Variants in APBB1IP observed in about 807,000 individuals in gnomAD.
The protein encoded by APBB1IP is amyloid beta precursor protein binding family B member 1 interacting protein.
A neutral mutation model predicts 64.9 loss-of-function variants in APBB1IP; 27 were observed. The ratio of observed to expected loss-of-function variants is 0.42; its 90% CI spans 0.31 to 0.57. The LOEUF (loss-of-function observed/expected upper bound fraction) is 0.57. Ranked by LOEUF, APBB1IP falls within the 20% of genes least tolerant of loss-of-function variation. APBB1IP has a pLI of 0.20. For synonymous variants in APBB1IP, 392 were observed against 331.0 expected, an observed-to-expected ratio of 1.18 and a Z score of -2.00; for missense variants, 812 against 845.5, an observed-to-expected ratio of 0.96 and a Z score of 0.49.
In APBB1IP at chr10:26,516,543, C is replaced by CAAAAAAAAAAAAAAAAAAAAAAAAAAAAA. The variant is rs71401901; in HGVS notation, c.813+2901_813+2902insAAAAAAAAAAAAAAAAAAAAAAAAAAAAA. Among the ~76,000 whole-genome samples, 13 of 47,206 alleles carry CAAAAAAAAAAAAAAAAAAAAAAAAAAAAA rather than the reference C, an allele frequency of 2.8e-4. 1 individual carries two copies. Among genetic ancestry groups the CAAAAAAAAAAAAAAAAAAAAAAAAAAAAA allele is most frequent in the African/African-American group, 1.1e-3 (9 of 8,146 alleles). 31.0% of individuals were successfully genotyped at this position (47,206 alleles called of 152,430 possible). On this transcript the variant is annotated intron_variant, in intron 8 of 14. Transcript: ENST00000376236. ...TGGGTGACAGAGCAAGACTCCATCT[C>CAAAAAAAAAAAAAAAAAAAAAAAAAAAAA]AAAAAAAAAAAAAAAAAAGTAAAGC...
At chr10:26,483,992 G>C (rs1398323362) in intron 2 of APBB1IP, among the ~76,000 whole-genome samples, 8 of 152,084 alleles carry the variant, frequency 5.3e-5, no homozygotes, top group Non-Finnish European at 1.2e-4. Context: ...TAGTATCTTA[G>C]TCCAAGTAAA....
At chr10:26,483,224 C>T (rs1353897077) in intron 2 of APBB1IP, among the ~76,000 whole-genome samples, 1 of 151,312 alleles carries the variant, frequency 6.6e-6, no homozygotes, top group Admixed American at 6.6e-5. Context: ...CTGAGGAAAA[C>T]CCACACAGAA....
chr10:26,473,624 C>T (rs1279634478), intron 2 of APBB1IP, among the ~76,000 whole-genome samples: 1 of 152,202 alleles, frequency 6.6e-6, no homozygotes, highest in Non-Finnish European at 1.5e-5. Context: ...AAAACTACAT[C>T]ATAGGTGACC....
At chr10:26,543,895 G>A (rs1482762989) in intron 11 of APBB1IP, among the ~76,000 whole-genome samples, 2 of 152,206 alleles carry the variant, frequency 1.3e-5, no homozygotes, top group Non-Finnish European at 2.9e-5. Flanking sequence ...TGTTTGTTCC[G>A]AAGGAAGAGA....
intron 11 of APBB1IP, among the ~76,000 whole-genome samples, chr10:26,546,535 G>A (rs1460545946): frequency 6.6e-6 from 1 of 152,070 alleles, no homozygotes; most frequent in Non-Finnish European, 1.5e-5. Context: ...TAGCACAAAC[G>A]TTTATCATAA....
chr10:26,446,579 C>T (rs1311383955), intron 2 of APBB1IP, among the ~76,000 whole-genome samples: 2 of 152,174 alleles, frequency 1.3e-5, no homozygotes, highest in Non-Finnish European at 2.9e-5. Context: ...GGCTACAGTA[C>T]TGAAACACAC....
chr10:26,470,739 C>T (rs1326444049), intron 2 of APBB1IP, among the ~76,000 whole-genome samples: 1 of 152,124 alleles, frequency 6.6e-6, no homozygotes, highest in Non-Finnish European at 1.5e-5. Context: ...AGTTGAGGAG[C>T]ATCCATAATA....
intron 3 of APBB1IP, among the ~76,000 whole-genome samples, chr10:26,493,646 T>C (rs1211013027): frequency 6.6e-6 from 1 of 152,194 alleles, no homozygotes; most frequent in East Asian, 1.9e-4. Context: ...AAAAAGCTTG[T>C]TCCTGACTAT....
At chr10:26,513,683 A>T (rs763224247) in intron 8 of APBB1IP, 23 bp downstream of exon 8, 5 of 1,583,466 alleles carry the variant, frequency 3.2e-6, no homozygotes, top group Admixed American at 4.0e-5. Context: ...GCATATTGTT[A>T]AACCCTATAA....
At chr10:26,442,316 T>C (rs1835346721) in intron 2 of APBB1IP, among the ~76,000 whole-genome samples, 1 of 152,252 alleles carries the variant, frequency 6.6e-6, no homozygotes, top group Non-Finnish European at 1.5e-5. Flanking sequence ...TCTGCTTTGT[T>C]AGCAATCGTG....
At chr10:26,512,705 C>T (rs73594365) in intron 7 of APBB1IP, among the ~76,000 whole-genome samples, 5,271 of 152,184 alleles carry the variant, frequency 0.035, 318 homozygotes, top group African/African-American at 0.12. Context: ...CTCCTGGGCT[C>T]AAGCACTCCT....
At chr10:26,474,840 A>G (rs986576333) in intron 2 of APBB1IP, among the ~76,000 whole-genome samples, 1 of 152,258 alleles carries the variant, frequency 6.6e-6, no homozygotes, top group Non-Finnish European at 1.5e-5. Flanking sequence ...TTTATTAAGT[A>G]AGACATCTAG....
intron 8 of APBB1IP, among the ~76,000 whole-genome samples, chr10:26,514,226 C>T (rs1163159060): frequency 6.6e-6 from 1 of 152,166 alleles, no homozygotes; most frequent in African/African-American, 2.4e-5. Flanking sequence ...ACCTATCTCT[C>T]TGTGGTTTTC....
At chr10:26,512,260 T>C (rs1836271139) in intron 7 of APBB1IP, among the ~76,000 whole-genome samples, 1 of 152,210 alleles carries the variant, frequency 6.6e-6, no homozygotes, top group Non-Finnish European at 1.5e-5. Context: ...TTGGGGGATA[T>C]AAGCACTATT....
At chr10:26,470,872 C>A (rs1476216278) in intron 2 of APBB1IP, among the ~76,000 whole-genome samples, 1 of 152,134 alleles carries the variant, frequency 6.6e-6, no homozygotes, top group African/African-American at 2.4e-5. Flanking sequence ...CATAATCTCT[C>A]ACCAACCTCA....
rs775918284 is a variant in APBB1IP, at chr10:26,567,314, G to A, written c.1827G>A (p.Ala609=). The change falls in exon 15 of 15, where the codon GCG becomes GCA. Residue 609 remains alanine (A), a synonymous_variant. Coordinates refer to ENST00000376236, the MANE Select transcript of APBB1IP (RefSeq NM_019043.4). ...CGCCGCCGCCGCCGCCCGCGCCCGC[G>A]CCCGCCCCCGTCCCCGACTCCGCCA... ...PPPPPPPPAP[A]PAPVPDSARP... The A allele has an allele frequency of 1.7e-6, 2 of 1,208,662 alleles. No homozygotes were observed. The highest frequency in any genetic ancestry group is 1.7e-5 in the South Asian group (1 of 58,138). 74.9% of individuals were successfully genotyped at this position (1,208,662 alleles called of 1,614,324 possible).
intron 7 of APBB1IP, among the ~76,000 whole-genome samples, chr10:26,512,173 C>T (rs1422766467): frequency 2.0e-5 from 3 of 152,082 alleles, no homozygotes; most frequent in African/African-American, 7.2e-5. Context: ...TTTCAATTCC[C>T]TTATATGAGA....
rs973383277 is a variant in APBB1IP, at chr10:26,492,259, G to T, written c.1-68G>T. 1.3e-5 allele frequency: 18 copies of T among 1,398,436 alleles called. 1 individual carries two copies. The highest frequency in any genetic ancestry group is 1.8e-5 in the Non-Finnish European group (18 of 990,968). The allele number at this position is 1,398,436 out of a possible 1,614,324, so 86.6% of individuals were successfully genotyped here. On this transcript the variant is annotated intron_variant, in intron 2 of 14. Coordinates refer to ENST00000376236, the MANE Select transcript of APBB1IP (RefSeq NM_019043.4). ...ATGGGGCTCTTGGGGGAAAGAGAGGGATGCAAAGAGTATCCTAGGATCAGG... is the reference window on the plus strand; with the variant it reads ...ATGGGGCTCTTGGGGGAAAGAGAGGTATGCAAAGAGTATCCTAGGATCAGG...
At chr10:26,483,332 T>C (rs998671928) in intron 2 of APBB1IP, among the ~76,000 whole-genome samples, 25 of 152,206 alleles carry the variant, frequency 1.6e-4, no homozygotes, top group Non-Finnish European at 5.9e-5. Flanking sequence ...GATTTACTTA[T>C]CTCTGGATGC....
Sources: gnomAD v4.1 joint callset for allele counts (sites outside exome capture counted in the v4.1 genomes callset) on GRCh38, gnomAD v4.1.1 for gene constraint, MANE v1.5 for transcripts, NCBI Gene and HGNC (gene_info 2026-07-23, HGNC 2026-07-21) for gene names.